The following ANKS1B variants were observed in gnomAD, a reference collection of about 807,000 sequenced individuals.
The protein encoded by ANKS1B is ankyrin repeat and sterile alpha motif domain containing 1B, also known as ankyrin repeat and sterile alpha motif domain-containing protein 1B.
A neutral mutation model predicts 148.3 loss-of-function variants in ANKS1B; 36 were observed. The observed-to-expected ratio is 0.24, with a 90% confidence interval of 0.19 to 0.32. ANKS1B has a LOEUF of 0.32. ANKS1B is among the 10% of genes least tolerant of loss of function. The probability of loss-of-function intolerance (pLI) is 1.00; values close to 1 mark genes in which losing one functional copy is unlikely to be tolerated. For missense variants in ANKS1B, 1,157 were observed against 1,542.6 expected, an observed-to-expected ratio of 0.75 and a Z score of 4.19; for synonymous variants, 542 against 560.8, an observed-to-expected ratio of 0.97 and a Z score of 0.47.
chr12:98,832,186 T>C (rs774519111), intron 17 of ANKS1B, 50 bp from the exon 18 acceptor site: 153 of 1,385,750 alleles, frequency 1.1e-4, no homozygotes, highest in Non-Finnish European at 1.4e-4. Context: ...AACAAATAAT[T>C]TTTATATGTC....
intron 22 of ANKS1B, among the ~76,000 whole-genome samples, chr12:98,798,702 ATAAT>A (rs2098974072): frequency 6.6e-6 from 1 of 152,236 alleles, no homozygotes; most frequent in Admixed American, 6.5e-5. Flanking sequence ...ATCTTTAAAA[ATAAT>A]TAAGAACAAA....
chr12:99,126,516 C>T (rs570327570), intron 15 of ANKS1B, among the ~76,000 whole-genome samples: 4 of 152,082 alleles, frequency 2.6e-5, no homozygotes, highest in Non-Finnish European at 5.9e-5. Context: ...CCCACCTTAC[C>T]CTGCTCTGAA....
chr12:99,225,244 A>G (rs1470046214), intron 14 of ANKS1B, among the ~76,000 whole-genome samples: 1 of 152,082 alleles, frequency 6.6e-6, no homozygotes, highest in African/African-American at 2.4e-5. Context: ...CTAGAGTTTA[A>G]AAGCTGGAAA....
intron 14 of ANKS1B, among the ~76,000 whole-genome samples, chr12:99,168,842 T>C (rs1241747305): frequency 6.6e-6 from 1 of 152,188 alleles, no homozygotes; most frequent in African/African-American, 2.4e-5. Flanking sequence ...GCATAGCCAT[T>C]GAAGTCCTAG....
intron 12 of ANKS1B, among the ~76,000 whole-genome samples, chr12:99,256,269 A>G (rs1424389101): frequency 1.3e-5 from 2 of 151,864 alleles, no homozygotes; most frequent in African/African-American, 4.8e-5. Context: ...AAAGAAAAAA[A>G]AAAGAAAAAA....
At chr12:99,151,394 G>A (rs1183200167) in intron 15 of ANKS1B, among the ~76,000 whole-genome samples, 2 of 151,942 alleles carry the variant, frequency 1.3e-5, no homozygotes, top group Non-Finnish European at 1.5e-5. Context: ...CGGGTGTGGT[G>A]GTGCACACCT....
chr12:98,919,413 A>G (rs1358868628), intron 17 of ANKS1B, among the ~76,000 whole-genome samples: 1 of 152,218 alleles, frequency 6.6e-6, no homozygotes. Flanking sequence ...AGAACATATG[A>G]TCAAGGGCGG....
Position 98,947,060 on chromosome 12 carries a change from T to C in ANKS1B, c.2778+106097A>G, listed in dbSNP as rs575572895. 5.9e-4 allele frequency among the ~76,000 whole-genome samples: 89 copies of C among 151,280 alleles called. 1 individual carries two copies. The highest frequency in any genetic ancestry group is 1.7e-3 in the Admixed American group (25 of 15,144). ...GAGGATACTGCCAACACAAATTCCC[T>C]AAGTTGGAAGCTTGCTTGGGAATGT... On this transcript the variant is annotated intron_variant, in intron 17 of 26. Transcript: ENST00000683438.
intron 14 of ANKS1B, among the ~76,000 whole-genome samples, chr12:99,185,146 C>T (rs994046311): frequency 1.3e-5 from 2 of 152,084 alleles, no homozygotes; most frequent in South Asian, 4.1e-4. Context: ...ATAACATCAC[C>T]AAGAATGTGA....
At chr12:99,620,130 G>A (rs1386720238) in intron 9 of ANKS1B, among the ~76,000 whole-genome samples, 1 of 152,126 alleles carries the variant, frequency 6.6e-6, no homozygotes, top group East Asian at 1.9e-4. Context: ...CAGGGCTGTA[G>A]AAGCAAAGCC....
intron 8 of ANKS1B, among the ~76,000 whole-genome samples, chr12:99,675,318 C>A (rs908438859): frequency 6.6e-6 from 1 of 151,694 alleles, no homozygotes; most frequent in East Asian, 1.9e-4. Flanking sequence ...TAATATTTAA[C>A]TGAAAAACAC....
intron 10 of ANKS1B, among the ~76,000 whole-genome samples, chr12:99,456,710 T>G (rs2095853344): frequency 6.6e-6 from 1 of 151,998 alleles, no homozygotes; most frequent in South Asian, 2.1e-4. Flanking sequence ...TAACCCAATC[T>G]GATAAAGACA....
rs1277532848 is a variant in ANKS1B, at chr12:99,202,504, G to C, written c.2419+41838C>G. ...TTGGACGTCAAGCAGTTAGTTTACTGTTGCTTTTGTAACTTGGAGGCATTC... is the reference window on the plus strand; with the variant it reads ...TTGGACGTCAAGCAGTTAGTTTACTCTTGCTTTTGTAACTTGGAGGCATTC... On this transcript the variant is annotated intron_variant, in intron 14 of 26. Transcript: ENST00000683438. Among the ~76,000 whole-genome samples, 4 of 152,280 alleles carry C rather than the reference G, an allele frequency of 2.6e-5. No homozygotes were observed. In the East Asian group the frequency reaches 7.7e-4, roughly 29 times the overall value.
chr12:98,926,323 A>G (rs2099808099), intron 17 of ANKS1B, among the ~76,000 whole-genome samples: 1 of 152,236 alleles, frequency 6.6e-6, no homozygotes, highest in Non-Finnish European at 1.5e-5. Context: ...GCAGTGAGAG[A>G]TAACACAGAA....
chr12:99,293,932 C>T (rs1296986525), intron 12 of ANKS1B, among the ~76,000 whole-genome samples: 1 of 152,182 alleles, frequency 6.6e-6, no homozygotes, highest in Non-Finnish European at 1.5e-5. Flanking sequence ...AGATACTCAA[C>T]AACACTGATC....
intron 12 of ANKS1B, among the ~76,000 whole-genome samples, chr12:99,344,406 G>A (rs74718647): frequency 2.6e-5 from 4 of 151,936 alleles, no homozygotes; most frequent in Non-Finnish European, 5.9e-5. Flanking sequence ...TGTCTCTTAA[G>A]AATGGATTCT....
At chr12:99,704,658 A>T (rs1390894203) in intron 8 of ANKS1B, among the ~76,000 whole-genome samples, 1 of 152,086 alleles carries the variant, frequency 6.6e-6, no homozygotes, top group Non-Finnish European at 1.5e-5. Flanking sequence ...GCTCCCTTGC[A>T]TCACAAAATG....
chr12:99,233,715 C>T (rs866719600), intron 14 of ANKS1B, among the ~76,000 whole-genome samples: 3 of 152,014 alleles, frequency 2.0e-5, no homozygotes, highest in Admixed American at 6.6e-5. Flanking sequence ...GGACAGTTGA[C>T]GTTGCTAGAT....
chr12:99,779,623 A>G (rs1434339501), intron 6 of ANKS1B, among the ~76,000 whole-genome samples: 1 of 152,190 alleles, frequency 6.6e-6, no homozygotes, highest in Non-Finnish European at 1.5e-5. Flanking sequence ...ATGAATTTTA[A>G]AAATATTTCT....
Sources: gnomAD v4.1 joint callset for allele counts (sites outside exome capture counted in the v4.1 genomes callset) on GRCh38, gnomAD v4.1.1 for gene constraint, MANE v1.5 for transcripts, NCBI Gene and HGNC (gene_info 2026-07-23, HGNC 2026-07-21) for gene names.